Variants in WHRN observed in about 807,000 individuals in gnomAD.
The protein encoded by WHRN is whirlin.
Under a neutral mutation model 68.3 loss-of-function variants are expected in WHRN, and 41 were observed. The observed-to-expected ratio is 0.60, with a 90% CI of 0.47 to 0.78. The LOEUF is 0.78. WHRN is among the 30% of genes least tolerant of loss of function. The probability of loss-of-function intolerance (pLI) is 0.00; values close to 1 mark genes in which losing one functional copy is unlikely to be tolerated. For missense variants in WHRN, 1,243 were observed against 1,244.7 expected (o/e 1.00, Z 0.02); for synonymous variants, 560 against 561.3 (o/e 1.00, Z 0.03).
chr9:114,454,281 G>T (rs915119385), intron 3 of WHRN, among the ~76,000 whole-genome samples: 1 of 151,940 alleles, frequency 6.6e-6, no homozygotes, highest in Admixed American at 6.6e-5. Context: ...TTAAGAAAAA[G>T]AAATAAAAGG....
intron 3 of WHRN, among the ~76,000 whole-genome samples, chr9:114,443,147 T>A (rs892470857): frequency 2.0e-5 from 3 of 152,158 alleles, no homozygotes; most frequent in Non-Finnish European, 4.4e-5. Context: ...AATGGAAGAA[T>A]ATTAGACAAG....
intron 3 of WHRN, among the ~76,000 whole-genome samples, chr9:114,447,846 C>G (rs1017461809): frequency 1.3e-4 from 20 of 152,058 alleles, no homozygotes; most frequent in Admixed American, 1.1e-3. Context: ...TTTAAACTGC[C>G]CAATCTCAGG....
chr9:114,482,184 C>T (rs1428619682), intron 1 of WHRN, among the ~76,000 whole-genome samples: 1 of 151,664 alleles, frequency 6.6e-6, no homozygotes, highest in Non-Finnish European at 1.5e-5. Context: ...CTCAATGATG[C>T]TTGCAGCCTG....
chr9:114,478,784 G>A lies in WHRN; in HGVS notation c.619-13C>T. The A allele has an allele frequency of 6.2e-7, 1 of 1,606,572 alleles. No homozygotes were observed. The highest frequency in any genetic ancestry group is 8.5e-7 in the Non-Finnish European group (1 of 1,178,216). On this transcript the variant is annotated splice_polypyrimidine_tract_variant and intron_variant, in intron 1 of 11. Transcript: ENST00000362057. ...AGCCCTTCAGAGCCTAGGGAGAGAG[G>A]GATACAAAGGTTAGAGGAAGGGAGG...
intron 2 of WHRN, among the ~76,000 whole-genome samples, chr9:114,477,186 C>T (rs1257414035): frequency 6.6e-6 from 1 of 152,152 alleles, no homozygotes; most frequent in Non-Finnish European, 1.5e-5. Flanking sequence ...GACGTTTCAG[C>T]AAAGAACACA....
At chr9:114,473,501 C>T (rs769200887) in intron 2 of WHRN, among the ~76,000 whole-genome samples, 1 of 152,216 alleles carries the variant, frequency 6.6e-6, no homozygotes, top group Non-Finnish European at 1.5e-5. Flanking sequence ...TGCAGGCTCT[C>T]CAGGCCTCCA....
At chr9:114,485,817 C>T (rs949651191) in intron 1 of WHRN, among the ~76,000 whole-genome samples, 1 of 151,922 alleles carries the variant, frequency 6.6e-6, no homozygotes, top group African/African-American at 2.4e-5. Context: ...GTAGCCTGGA[C>T]AACATGGTGA....
At chr9:114,428,909 A>T (rs1375803197) in intron 3 of WHRN, among the ~76,000 whole-genome samples, 3 of 147,268 alleles carry the variant, frequency 2.0e-5, no homozygotes. Context: ...TAAACTGGCC[A>T]GACATAGTAC....
chr9:114,443,373 C>T (rs540298164), intron 3 of WHRN, among the ~76,000 whole-genome samples: 1 of 152,328 alleles, frequency 6.6e-6, no homozygotes, highest in African/African-American at 2.4e-5. Flanking sequence ...TCTGGAGAGT[C>T]CGGGGGACAA....
intron 1 of WHRN, among the ~76,000 whole-genome samples, chr9:114,480,366 C>T (rs557420289): frequency 2.6e-5 from 4 of 152,230 alleles, no homozygotes; most frequent in South Asian, 2.1e-4. Context: ...ATCCATACGC[C>T]GAAGCCCTAT....
intron 1 of WHRN, chr9:114,503,169 G>A: frequency 2.9e-5 from 29 of 985,572 alleles, no homozygotes; most frequent in Non-Finnish European, 3.5e-5. Flanking sequence ...CTGCCTAGGA[G>A]TTTCCCAGCA....
At chr9:114,459,901 A>T (rs1393232973) in intron 3 of WHRN, among the ~76,000 whole-genome samples, 3 of 152,244 alleles carry the variant, frequency 2.0e-5, no homozygotes, top group African/African-American at 7.2e-5. Flanking sequence ...TCATGTTGAA[A>T]TGTGATCCCC....
At position 114,434,242 on chromosome 9, in the gene WHRN, G is replaced by A. The variant is rs371153055; in HGVS notation, c.964-7829C>T. ...AAGGGTCCGTGTTTCATAGATGACA[G>A]CAGTGAGGCTCAGAGAGGTGAAGCT... On this transcript the variant is annotated intron_variant, in intron 3 of 11. Transcript: ENST00000362057. 1.1e-4 allele frequency among the ~76,000 whole-genome samples: 17 copies of A among 152,308 alleles called. No homozygotes were observed. The East Asian group carries it at 1.2e-3, about 10-fold the overall frequency.
intron 7 of WHRN, among the ~76,000 whole-genome samples, chr9:114,408,896 G>C (rs543343396): frequency 1.1e-3 from 172 of 152,336 alleles, no homozygotes; most frequent in Non-Finnish European, 1.4e-3. Flanking sequence ...GGCCTGAACA[G>C]AACAGAAAGG....
intron 3 of WHRN, among the ~76,000 whole-genome samples, chr9:114,462,794 C>G (rs1039650726): frequency 6.6e-6 from 1 of 152,142 alleles, no homozygotes; most frequent in African/African-American, 2.4e-5. Context: ...GAAGAACATT[C>G]TTTTTTAAAA....
chr9:114,415,983 C>T (rs1178630782), intron 7 of WHRN, among the ~76,000 whole-genome samples: 1 of 152,160 alleles, frequency 6.6e-6, no homozygotes, highest in African/African-American at 2.4e-5. Flanking sequence ...TCTCCCAGTT[C>T]ACTGTGCTGC....
chr9:114,463,426 T>C (rs111747369), intron 3 of WHRN, among the ~76,000 whole-genome samples: 2,469 of 152,332 alleles, frequency 0.016, 57 homozygotes, highest in African/African-American at 0.057. Context: ...TTTACGTTTC[T>C]GGGGAAAATA....
intron 3 of WHRN, among the ~76,000 whole-genome samples, chr9:114,465,389 C>A (rs1418141350): frequency 6.6e-6 from 1 of 152,200 alleles, no homozygotes; most frequent in Non-Finnish European, 1.5e-5. Context: ...CACCAACAGT[C>A]AGACACGCAT....
intron 3 of WHRN, among the ~76,000 whole-genome samples, chr9:114,434,497 AAC>A (rs1200312469): frequency 3.9e-5 from 6 of 152,294 alleles, no homozygotes; most frequent in African/African-American, 1.4e-4. Context: ...AACAAGCCTA[AAC>A]ACAGCCCCAG....
Sources: gnomAD v4.1 joint callset for allele counts (sites outside exome capture counted in the v4.1 genomes callset) on GRCh38, gnomAD v4.1.1 for gene constraint, MANE v1.5 for transcripts, NCBI Gene and HGNC (gene_info 2026-07-23, HGNC 2026-07-21) for gene names.